KCNN2: variants seen among roughly 807,000 people sequenced by gnomAD.
KCNN2 encodes small conductance calcium-activated potassium channel protein 2.
A neutral mutation model predicts 55.5 loss-of-function variants in KCNN2; 24 were observed. The ratio of observed to expected loss-of-function variants is 0.43; its 90% CI spans 0.31 to 0.61. KCNN2 has a LOEUF of 0.61. KCNN2 is among the 20% of genes least tolerant of loss of function. The pLI is 0.08. For synonymous variants in KCNN2, 431 were observed against 336.1 expected (o/e 1.28, Z -3.09); for missense variants, 754 against 853.6 (o/e 0.88, Z 1.45).
At chr5:114,299,607 C>T (rs1429869762) in intron 2 of KCNN2, among the ~76,000 whole-genome samples, 1 of 152,178 alleles carries the variant, frequency 6.6e-6, no homozygotes, top group Non-Finnish European at 1.5e-5. Context: ...TCTGTGTCAT[C>T]TGTGCTCACT....
intron 2 of KCNN2, among the ~76,000 whole-genome samples, chr5:114,307,870 CCAGGACTTTGAA>C (rs1316107465): frequency 6.6e-6 from 1 of 152,014 alleles, no homozygotes; most frequent in Non-Finnish European, 1.5e-5. Context: ...TGGGTGCCTG[CCAGGACTTTGAA>C]CATCAGCTTA....
Position 114,240,906 on chromosome 5 carries a change from G to A in KCNN2, c.-185+19341G>A, listed in dbSNP as rs116495567. The stretch of plus-strand genomic sequence containing the variant: ...ATTTAAAAAATTATCTGCTAATAAT[G>A]AAATTACACAAGAGGATTTATTAAC... On this transcript the variant is annotated intron_variant, in intron 2 of 10. Transcript: ENST00000512097. Among the ~76,000 whole-genome samples, 1,162 of 152,136 alleles carry A rather than the reference G, an allele frequency of 7.6e-3. 15 individuals carry two copies. The highest frequency in any genetic ancestry group is 0.026 in the African/African-American group (1,059 of 41,450).
upstream of KCNN2, among the ~76,000 whole-genome samples, chr5:114,360,072 CTGAT>C (rs1757374122): frequency 6.6e-6 from 1 of 152,124 alleles, no homozygotes; most frequent in Admixed American, 6.5e-5. Flanking sequence ...AATGCTGTCT[CTGAT>C]TGTTAGCCAC....
intron 2 of KCNN2, among the ~76,000 whole-genome samples, chr5:114,338,748 T>C (rs1270436741): frequency 1.3e-5 from 2 of 152,150 alleles, no homozygotes; most frequent in Non-Finnish European, 2.9e-5. Flanking sequence ...CCTATGGGAA[T>C]GGAAGCCTGT....
At chr5:114,185,944 G>C (rs778250326) in intron 1 of KCNN2, among the ~76,000 whole-genome samples, 1 of 152,088 alleles carries the variant, frequency 6.6e-6, no homozygotes, top group Non-Finnish European at 1.5e-5. Context: ...TGGGAATTTT[G>C]GTTTGTGTGT....
At chr5:114,102,746 T>C (rs1171122357) in intron 1 of KCNN2, among the ~76,000 whole-genome samples, 1 of 152,188 alleles carries the variant, frequency 6.6e-6, no homozygotes, top group African/African-American at 2.4e-5. Flanking sequence ...CAGATGGTTG[T>C]AGATGTGTGT....
At chr5:114,112,786 T>C (rs889758936) in intron 1 of KCNN2, among the ~76,000 whole-genome samples, 5 of 152,108 alleles carry the variant, frequency 3.3e-5, no homozygotes, top group African/African-American at 4.8e-5. Flanking sequence ...AAATAATTTC[T>C]GAAAAGATGA....
chr5:114,411,748 A>T (rs1370116503), intron 3 of KCNN2, among the ~76,000 whole-genome samples: 1 of 152,082 alleles, frequency 6.6e-6, no homozygotes, highest in Non-Finnish European at 1.5e-5. Flanking sequence ...GATGGTGCTC[A>T]CCCACGTTGA....
At position 114,059,132 on chromosome 5, in the gene KCNN2, T is replaced by C. The variant is rs1407258946; in HGVS notation, c.-271+2632T>C. ...AGAAGTGGATAGATTCAGGACACAA[T>C]TGAGGGCAGAATGGACAAGGTTTGG... On this transcript the variant is annotated intron_variant, in intron 1 of 10. Coordinates refer to the KCNN2 transcript ENST00000512097. Among the ~76,000 whole-genome samples the C allele has an allele frequency of 3.9e-5, 6 of 152,074 alleles. No homozygotes were observed. The East Asian group carries it at 7.7e-4, about 20-fold the overall frequency.
At chr5:114,093,037 G>C (rs571361415) in intron 1 of KCNN2, among the ~76,000 whole-genome samples, 7 of 152,290 alleles carry the variant, frequency 4.6e-5, no homozygotes, top group Admixed American at 6.5e-5. Context: ...CCTAGAAAAT[G>C]GGTTTTTCTT....
At chr5:114,386,015 A>G (rs337687) in intron 2 of KCNN2, among the ~76,000 whole-genome samples, 14,442 of 142,892 alleles carry the variant, frequency 0.1, 932 homozygotes, top group African/African-American at 0.22. Context: ...TGTCTCTATT[A>G]AAAAAAAATA....
chr5:114,058,472 C>G (rs148846673), intron 1 of KCNN2, among the ~76,000 whole-genome samples: 1 of 152,000 alleles, frequency 6.6e-6, no homozygotes, highest in Non-Finnish European at 1.5e-5. Context: ...TTAAAAATAA[C>G]GAGTAAATAA....
chr5:114,239,617 T>A (rs72797688), intron 2 of KCNN2, among the ~76,000 whole-genome samples: 38,152 of 152,172 alleles, frequency 0.25, 5,463 homozygotes, highest in Non-Finnish European at 0.32. Flanking sequence ...TTTTTTGTTT[T>A]CAACTATTTG....
intron 7 of KCNN2, among the ~76,000 whole-genome samples, chr5:114,495,460 A>T (rs375120636): frequency 5.9e-5 from 9 of 152,264 alleles, no homozygotes; most frequent in Admixed American, 4.6e-4. Flanking sequence ...CTGTATTATT[A>T]TTTATCCCTC....
intron 1 of KCNN2, among the ~76,000 whole-genome samples, chr5:114,203,170 T>C (rs923059137): frequency 6.6e-6 from 1 of 152,170 alleles, no homozygotes; most frequent in Non-Finnish European, 1.5e-5. Context: ...TTGGATTTAA[T>C]TCTGTTTTAT....
chr5:114,114,088 G>C (rs1420773393), intron 1 of KCNN2, among the ~76,000 whole-genome samples: 1 of 152,036 alleles, frequency 6.6e-6, no homozygotes, highest in Non-Finnish European at 1.5e-5. Context: ...AACTTACAAT[G>C]TATGTTTTTA....
chr5:114,492,133 A>G (rs890059189), intron 6 of KCNN2, among the ~76,000 whole-genome samples: 16 of 152,158 alleles, frequency 1.1e-4, no homozygotes, highest in African/African-American at 3.6e-4. Flanking sequence ...TGTGTCAGCT[A>G]AACTTACTGG....
chr5:114,208,649 A>G (rs1327078544), intron 1 of KCNN2, among the ~76,000 whole-genome samples: 1 of 152,174 alleles, frequency 6.6e-6, no homozygotes, highest in African/African-American at 2.4e-5. Context: ...GCTCAGGTAT[A>G]TGATTCTATG....
At chr5:114,415,172 A>G (rs1759267216) in intron 3 of KCNN2, among the ~76,000 whole-genome samples, 2 of 152,228 alleles carry the variant, frequency 1.3e-5, no homozygotes, top group Non-Finnish European at 2.9e-5. Flanking sequence ...ATTGATGAAT[A>G]CTATTCTGTT....
Sources: allele counts gnomAD v4.1 joint callset (sites outside exome capture counted in the v4.1 genomes callset), GRCh38; gene constraint gnomAD v4.1.1; transcripts MANE v1.5; gene names NCBI Gene and HGNC (gene_info 2026-07-23, HGNC 2026-07-21).